The following CWC27 variants were observed in gnomAD, a reference collection of about 807,000 sequenced individuals.
CWC27 encodes the protein spliceosome-associated protein CWC27 homolog.
CWC27 carries 47 observed loss-of-function variants against 63.6 expected under a neutral mutation model. The observed-to-expected ratio is 0.74, with a 90% CI of 0.58 to 0.94. The LOEUF is 0.94. Ranked by LOEUF, CWC27 falls within the 40% of genes least tolerant of loss-of-function variation. The probability of loss-of-function intolerance (pLI) is 0.00; values close to 1 mark genes in which losing one functional copy is unlikely to be tolerated. For missense variants in CWC27, 495 were observed against 554.3 expected, an observed-to-expected ratio of 0.89 and a Z score of 1.07; for synonymous variants, 175 against 179.8, an observed-to-expected ratio of 0.97 and a Z score of 0.22.
chr5:64,871,272 G>A (rs1746668554), intron 10 of CWC27, among the ~76,000 whole-genome samples: 2 of 152,176 alleles, frequency 1.3e-5, no homozygotes, highest in South Asian at 2.1e-4. Context: ...AGATTACAAA[G>A]AAAATAAACA....
At chr5:64,815,715 A>G (rs1454457899) in intron 10 of CWC27, among the ~76,000 whole-genome samples, 1 of 152,176 alleles carries the variant, frequency 6.6e-6, no homozygotes, top group Non-Finnish European at 1.5e-5. Flanking sequence ...ATCAATTCCT[A>G]GTTATTTCAG....
At chr5:64,886,245 T>C (rs967566309) in intron 11 of CWC27, among the ~76,000 whole-genome samples, 2 of 152,148 alleles carry the variant, frequency 1.3e-5, no homozygotes, top group African/African-American at 4.8e-5. Context: ...TTTAAAATTG[T>C]TTCAGCTATA....
chr5:64,776,068 CGAGAGAGAGAGAGAGAGAGAGAGA>C (rs70983650), intron 2 of CWC27, among the ~76,000 whole-genome samples: 246 of 108,636 alleles, frequency 2.3e-3, no homozygotes, highest in East Asian at 6.7e-3. Flanking sequence ...AGGAGTGGAG[CGAGAGAGAGAGAGAGAGAGAGAGA>C]GAGAGAGAGA....
intron 10 of CWC27, among the ~76,000 whole-genome samples, chr5:64,859,601 A>G (rs577318742): frequency 1.5e-3 from 235 of 152,318 alleles, no homozygotes; most frequent in African/African-American, 5.3e-3. Flanking sequence ...AATGGCAAGT[A>G]TGACTATAGT....
chr5:64,906,479 T>C (rs1394909484), intron 11 of CWC27, among the ~76,000 whole-genome samples: 2 of 152,252 alleles, frequency 1.3e-5, no homozygotes, highest in South Asian at 4.1e-4. Context: ...TTTTGAGAAG[T>C]GTCTGTTCAT....
At chr5:65,005,676 G>A (rs1229016825) in intron 13 of CWC27, among the ~76,000 whole-genome samples, 1 of 152,186 alleles carries the variant, frequency 6.6e-6, no homozygotes, top group Non-Finnish European at 1.5e-5. Context: ...CTGGTAGTGG[G>A]TGAAGTAAAC....
chr5:64,908,761 T>G (rs1747717740), intron 11 of CWC27, among the ~76,000 whole-genome samples: 1 of 152,252 alleles, frequency 6.6e-6, no homozygotes, highest in South Asian at 2.1e-4. Context: ...TCCCTTTATT[T>G]TGAGCCTATG....
chr5:64,853,491 C>T (rs1210622009), intron 10 of CWC27, among the ~76,000 whole-genome samples: 1 of 151,914 alleles, frequency 6.6e-6, no homozygotes, highest in Non-Finnish European at 1.5e-5. Flanking sequence ...TAAAATTTAC[C>T]ATCTTAACCA....
intron 2 of CWC27, among the ~76,000 whole-genome samples, chr5:64,779,504 G>A (rs1743582312): frequency 6.6e-6 from 1 of 151,940 alleles, no homozygotes; most frequent in Non-Finnish European, 1.5e-5. Context: ...TCCACCTAAC[G>A]GATTTTTTGA....
intron 11 of CWC27, among the ~76,000 whole-genome samples, chr5:64,933,627 G>A (rs1401250397): frequency 6.6e-6 from 1 of 151,668 alleles, no homozygotes; most frequent in Non-Finnish European, 1.5e-5. Context: ...TGAGTAGCTG[G>A]GACTACAGGC....
intron 11 of CWC27, among the ~76,000 whole-genome samples, chr5:64,889,412 C>T (rs1014277033): frequency 2.6e-5 from 4 of 151,940 alleles, no homozygotes; most frequent in East Asian, 1.9e-4. Flanking sequence ...AATAAAACAA[C>T]GAAAAGTAAA....
chr5:64,893,187 C>T (rs1747283035), intron 11 of CWC27, among the ~76,000 whole-genome samples: 1 of 152,204 alleles, frequency 6.6e-6, no homozygotes, highest in South Asian at 2.1e-4. Context: ...CCAGTGTTCC[C>T]ATTTGGGAAT....
At chr5:64,914,287 G>A (rs1008134118) in intron 11 of CWC27, among the ~76,000 whole-genome samples, 1 of 152,040 alleles carries the variant, frequency 6.6e-6, no homozygotes, top group Non-Finnish European at 1.5e-5. Flanking sequence ...AGAAGTAATC[G>A]TAAAGGAAAC....
chr5:64,782,835 A>G (rs1743748613), intron 3 of CWC27, among the ~76,000 whole-genome samples: 1 of 152,208 alleles, frequency 6.6e-6, no homozygotes, highest in Non-Finnish European at 1.5e-5. Flanking sequence ...GAAATGTGGA[A>G]TAGTTATTTT....
chr5:64,912,425 ACT>A (rs1277601993), intron 11 of CWC27, among the ~76,000 whole-genome samples: 2 of 152,228 alleles, frequency 1.3e-5, no homozygotes, highest in Non-Finnish European at 2.9e-5. Context: ...AAATATGCTT[ACT>A]TTTTACAAGG....
At chr5:65,016,472 A>AAATAAT (rs917634770) in intron 13 of CWC27, among the ~76,000 whole-genome samples, 54 of 151,864 alleles carry the variant, frequency 3.6e-4, no homozygotes, top group African/African-American at 8.2e-4. Context: ...CTCATCTCAA[A>AAATAAT]AATAATAATA....
At chr5:64,807,374 T>G (rs762213404) in intron 10 of CWC27, among the ~76,000 whole-genome samples, 3 of 152,192 alleles carry the variant, frequency 2.0e-5, no homozygotes, top group Non-Finnish European at 4.4e-5. Context: ...ACAGAATAAT[T>G]TTCAACAAGT....
In CWC27 at chr5:64,941,468, TACATATTTATTACAGAA is replaced by T. The variant is rs1316314935; in HGVS notation, c.1043-30216_1043-30200del. ...CAAATATATTATTTAAAAATTTATC[TACATATTTATTACAGAA>T]ACATATTTATTACAGAAATATAAAA... is the stretch of plus-strand genomic sequence containing the variant. On this transcript the variant is annotated intron_variant, in intron 11 of 13. Coordinates refer to ENST00000381070, the MANE Select transcript of CWC27 (RefSeq NM_005869.4). Among the ~76,000 whole-genome samples the T allele has an allele frequency of 4.6e-5, 7 of 152,140 alleles. No homozygotes were observed. The East Asian group carries it at 5.8e-4, about 13-fold the overall frequency.
intron 7 of CWC27, among the ~76,000 whole-genome samples, chr5:64,795,174 G>A (rs1744224918): frequency 6.6e-6 from 1 of 152,102 alleles, no homozygotes. Context: ...TTGGGAGGCG[G>A]CCATGGCATG....
Sources: gnomAD v4.1 joint callset for allele counts (sites outside exome capture counted in the v4.1 genomes callset) on GRCh38, gnomAD v4.1.1 for gene constraint, MANE v1.5 for transcripts, NCBI Gene and HGNC (gene_info 2026-07-23, HGNC 2026-07-21) for gene names.